The following NSMCE2 variants were observed in gnomAD, a reference collection of about 807,000 sequenced individuals.
The protein encoded by NSMCE2 is E3 SUMO-protein ligase NSE2.
A neutral mutation model predicts 23.8 loss-of-function variants in NSMCE2; 24 were observed. The ratio of observed to expected loss-of-function variants is 1.01; its 90% CI spans 0.73 to 1.42. The LOEUF (loss-of-function observed/expected upper bound fraction) is 1.42. Ranked by LOEUF, NSMCE2 falls within the 40% of genes most tolerant of loss-of-function variation. The pLI is 0.00. For synonymous variants in NSMCE2, 92 were observed against 94.1 expected, an observed-to-expected ratio of 0.98 and a Z score of 0.13; for missense variants, 284 against 296.5, an observed-to-expected ratio of 0.96 and a Z score of 0.31.
chr8:125,228,767 C>G (rs1825202783), intron 5 of NSMCE2, among the ~76,000 whole-genome samples: 1 of 152,142 alleles, frequency 6.6e-6, no homozygotes, highest in Non-Finnish European at 1.5e-5. Context: ...GCAAGATAAT[C>G]AATTCATACG....
chr8:125,256,000 C>G (rs1178633268), intron 5 of NSMCE2, among the ~76,000 whole-genome samples: 1 of 152,118 alleles, frequency 6.6e-6, no homozygotes. Flanking sequence ...AGAATACTAA[C>G]TGGCCGGATG....
chr8:125,113,674 A>G (rs1818869655), intron 3 of NSMCE2, among the ~76,000 whole-genome samples: 1 of 152,226 alleles, frequency 6.6e-6, no homozygotes, highest in South Asian at 2.1e-4. Flanking sequence ...GTGTGCAGAA[A>G]GATTTACCAG....
intron 5 of NSMCE2, among the ~76,000 whole-genome samples, chr8:125,336,191 C>T (rs1830058866): frequency 6.6e-6 from 1 of 152,058 alleles, no homozygotes; most frequent in African/African-American, 2.4e-5. Context: ...TCATGGAATC[C>T]AGGGAAGAAG....
chr8:125,316,916 C>T (rs555611861), intron 5 of NSMCE2, among the ~76,000 whole-genome samples: 4 of 152,028 alleles, frequency 2.6e-5, no homozygotes, highest in Admixed American at 6.6e-5. Context: ...GTAGCTGGCA[C>T]TATAGGCGTG....
At chr8:125,348,032 C>T (rs1812850958) in intron 5 of NSMCE2, among the ~76,000 whole-genome samples, 1 of 152,206 alleles carries the variant, frequency 6.6e-6, no homozygotes, top group Non-Finnish European at 1.5e-5. Context: ...TCGAGACCTT[C>T]CTTCCACAGT....
At chr8:125,182,928 C>CT (rs1372003045) in intron 5 of NSMCE2, 1 of 152,150 alleles carries the variant, frequency 6.6e-6, no homozygotes, top group Admixed American at 6.5e-5. Flanking sequence ...TATATATGCC[C>CT]TTTCTTTTCC....
Position 125,188,682 on chromosome 8 carries a change from G to A in NSMCE2, c.418+6426G>A, listed in dbSNP as rs542568047. Among the ~76,000 whole-genome samples the A allele has an allele frequency of 1.2e-4, 18 of 152,254 alleles. 1 individual carries two copies. The South Asian group carries it at 1.9e-3, about 16-fold the overall frequency. On this transcript the variant is annotated intron_variant, in intron 5 of 7. Coordinates refer to ENST00000287437, the MANE Select transcript of NSMCE2 (RefSeq NM_173685.4). The stretch of plus-strand genomic sequence containing the variant: ...GGCACTTTAATGAGAGACGGCAGCC[G>A]TTTAATTTACTGTTAATTTGTGATG...
At chr8:125,243,475 G>A (rs902042237) in intron 5 of NSMCE2, among the ~76,000 whole-genome samples, 7 of 149,484 alleles carry the variant, frequency 4.7e-5, no homozygotes, top group African/African-American at 1.3e-4. Flanking sequence ...CTCCTTTGAA[G>A]CAACCTTGCA....
chr8:125,229,694 T>G (rs1825243114), intron 5 of NSMCE2, among the ~76,000 whole-genome samples: 1 of 152,238 alleles, frequency 6.6e-6, no homozygotes, highest in African/African-American at 2.4e-5. Flanking sequence ...AGTTCTACTT[T>G]GTGTATAAGG....
chr8:125,102,856 A>G (rs1226995002), intron 3 of NSMCE2, among the ~76,000 whole-genome samples: 3 of 152,242 alleles, frequency 2.0e-5, no homozygotes, highest in African/African-American at 7.2e-5. Flanking sequence ...TTGATTAACC[A>G]GTAGATAGAC....
At chr8:125,357,515 C>T (rs933668974) in intron 6 of NSMCE2, among the ~76,000 whole-genome samples, 196 bp downstream of exon 6, 3 of 152,200 alleles carry the variant, frequency 2.0e-5, no homozygotes, top group Non-Finnish European at 1.5e-5. Flanking sequence ...CTGAAGGATC[C>T]GGGACTAAAG....
At chr8:125,258,008 T>C (rs1409056588) in intron 5 of NSMCE2, among the ~76,000 whole-genome samples, 1 of 152,100 alleles carries the variant, frequency 6.6e-6, no homozygotes. Flanking sequence ...AAATAGCTCA[T>C]GCCATTAAAG....
intron 5 of NSMCE2, among the ~76,000 whole-genome samples, chr8:125,235,309 T>G (rs1825498392): frequency 6.6e-6 from 1 of 152,180 alleles, no homozygotes; most frequent in African/African-American, 2.4e-5. Flanking sequence ...CATTTTTTTC[T>G]TCTTGATTTC....
At chr8:125,151,488 C>A in intron 4 of NSMCE2, 1 of 371,062 alleles carries the variant, frequency 2.7e-6, no homozygotes. Context: ...CATATTAAAT[C>A]TATTTTAGAT....
intron 7 of NSMCE2, among the ~76,000 whole-genome samples, chr8:125,359,894 T>C (rs756494234): frequency 2.0e-5 from 3 of 152,124 alleles, no homozygotes; most frequent in African/African-American, 7.2e-5. Context: ...ACCTGGAGTT[T>C]AGGAAGTTAC....
chr8:125,288,537 T>C (rs1827984998), intron 5 of NSMCE2, among the ~76,000 whole-genome samples: 1 of 152,210 alleles, frequency 6.6e-6, no homozygotes, highest in South Asian at 2.1e-4. Context: ...AAATCTGGCC[T>C]CTCTCTATGT....
At chr8:125,166,105 G>A (rs1821862002) in intron 4 of NSMCE2, among the ~76,000 whole-genome samples, 1 of 152,176 alleles carries the variant, frequency 6.6e-6, no homozygotes, top group Non-Finnish European at 1.5e-5. Context: ...ATGTGGTATA[G>A]TGTAAAGACA....
chr8:125,114,923 G>A (rs971024018), intron 3 of NSMCE2, among the ~76,000 whole-genome samples: 5 of 152,306 alleles, frequency 3.3e-5, no homozygotes, highest in Middle Eastern at 3.4e-3. Flanking sequence ...TTTGCTGGCA[G>A]TTAAGGCTTT....
At position 125,337,902 on chromosome 8, in the gene NSMCE2, A is replaced by AAAAG. The variant is rs1164909440; in HGVS notation, c.419-19305_419-19302dup. The stretch of plus-strand genomic sequence containing the variant: ...TCTATCTCAAAAAAAAAAAAAAAAA[A>AAAAG]AAAGAAAGAAAGAAAACAACAGGTT... On this transcript the variant is annotated intron_variant, in intron 5 of 7. Transcript: ENST00000287437. Among the ~76,000 whole-genome samples, 156 of 147,896 alleles carry AAAAG rather than the reference A, an allele frequency of 1.1e-3. 2 individuals are homozygous for AAAAG. Among genetic ancestry groups the AAAAG allele is most frequent in the Middle Eastern group, 6.9e-3 (2 of 288 alleles).
Sources: gnomAD v4.1 joint callset for allele counts (sites outside exome capture counted in the v4.1 genomes callset) on GRCh38, gnomAD v4.1.1 for gene constraint, MANE v1.5 for transcripts, NCBI Gene and HGNC (gene_info 2026-07-23, HGNC 2026-07-21) for gene names.